LIMK2: variants seen among roughly 807,000 people sequenced by gnomAD.
The protein encoded by LIMK2 is LIM domain kinase 2.
LIMK2 carries 35 observed loss-of-function variants against 75.7 expected under a neutral mutation model. The ratio of observed to expected loss-of-function variants is 0.46; its 90% CI spans 0.35 to 0.61. LIMK2 has a LOEUF of 0.61. Among genes scored for constraint, LIMK2 ranks in the 20% least tolerant of loss-of-function variants. LIMK2 has a pLI of 0.00. For synonymous variants in LIMK2, 301 were observed against 319.2 expected (o/e 0.94, Z 0.61); for missense variants, 623 against 831.0 (o/e 0.75, Z 3.08).
chr22:31,252,715 T>C lies in LIMK2; in HGVS notation c.117-5576T>C, dbSNP rs913162850. Among the ~76,000 whole-genome samples the C allele has an allele frequency of 3.9e-5, 6 of 152,082 alleles. No homozygotes were observed. In the South Asian group the frequency reaches 8.3e-4, roughly 21 times the overall value. On this transcript the variant is annotated intron_variant, in intron 2 of 15. Coordinates refer to ENST00000331728, the MANE Select transcript of LIMK2 (RefSeq NM_005569.4). ...TGCATTTGCCCTTGGTGGTCTCAAA[T>C]TGGGGAGGGAAAGAAATGAACACTT... is the stretch of plus-strand genomic sequence containing the variant.
intron 2 of LIMK2, among the ~76,000 whole-genome samples, chr22:31,251,374 C>T (rs908896914): frequency 2.0e-5 from 3 of 152,148 alleles, no homozygotes; most frequent in Non-Finnish European, 1.5e-5. Flanking sequence ...TTCACAGTAA[C>T]CTTTGGCAGG....
At chr22:31,257,951 G>A (rs1052792330) in intron 2 of LIMK2, among the ~76,000 whole-genome samples, 2 of 152,138 alleles carry the variant, frequency 1.3e-5, no homozygotes, top group African/African-American at 4.8e-5. Flanking sequence ...TATACACCCT[G>A]TCCCCCACCT....
intron 14 of LIMK2, among the ~76,000 whole-genome samples, chr22:31,274,295 C>A (rs886302884): frequency 6.6e-6 from 1 of 152,100 alleles, no homozygotes; most frequent in African/African-American, 2.4e-5. Context: ...CATATCTCAG[C>A]GACTCAAACA....
intron 1 of LIMK2, 74 bp from the exon 2 acceptor site, chr22:31,225,646 T>C (rs2048470650): frequency 5.5e-6 from 6 of 1,085,296 alleles, no homozygotes; most frequent in African/African-American, 4.7e-5. Flanking sequence ...CTCAGTCTTA[T>C]TCTACATGGT....
At chr22:31,240,716 C>T (rs2048617407) in intron 2 of LIMK2, among the ~76,000 whole-genome samples, 1 of 152,138 alleles carries the variant, frequency 6.6e-6, no homozygotes, top group African/African-American at 2.4e-5. Context: ...GTCACCGCGC[C>T]TGGCCTAGAA....
chr22:31,258,477 C>G, intron 3 of LIMK2, 51 bp downstream of exon 3: 3 of 1,587,800 alleles, frequency 1.9e-6, no homozygotes, highest in Non-Finnish European at 2.6e-6. Context: ...AGTCCATTGA[C>G]AGTGCTTCCA....
At chr22:31,278,149 T>C in intron 15 of LIMK2, 148 bp from the exon 16 acceptor site, 1 of 664,838 alleles carries the variant, frequency 1.5e-6, no homozygotes, top group East Asian at 2.6e-5. Flanking sequence ...CCGGTAACAT[T>C]ATGCCCATTT....
At chr22:31,246,183 G>GCACGCACACACACACACACACA (rs1555886279) in intron 2 of LIMK2, among the ~76,000 whole-genome samples, 20 of 134,994 alleles carry the variant, frequency 1.5e-4, no homozygotes, top group South Asian at 2.5e-4. Context: ...ACGCACGCAC[G>GCACGCACACACACACACACACA]CACACACACA....
At chr22:31,222,280 T>A (rs2048440875) in intron 1 of LIMK2, among the ~76,000 whole-genome samples, 1 of 150,448 alleles carries the variant, frequency 6.6e-6, no homozygotes, top group South Asian at 2.1e-4. Flanking sequence ...ATGTTGGTCA[T>A]GGCTGGTCTC....
intron 2 of LIMK2, among the ~76,000 whole-genome samples, chr22:31,239,952 T>G (rs2048610695): frequency 6.6e-6 from 1 of 152,212 alleles, no homozygotes; most frequent in South Asian, 2.1e-4. Flanking sequence ...TTATGTAGAC[T>G]AAGACCTCAG....
chr22:31,246,793 C>T (rs2123810687), intron 2 of LIMK2, among the ~76,000 whole-genome samples: 1 of 151,894 alleles, frequency 6.6e-6, no homozygotes, highest in Non-Finnish European at 1.5e-5. Context: ...AACACCCTCA[C>T]CACTTATCAG....
Position 31,278,465 on chromosome 22 carries a change from G to A in LIMK2, c.*24G>A. On this transcript the variant is annotated 3_prime_UTR_variant, in exon 16 of 16. Transcript: ENST00000331728. ...AGCCCTGGCCCAGCCCCCTGCAGGGGGGTGTTCTACAGCCAGCATTGCCCC... is the reference window on the plus strand; with the variant it reads ...AGCCCTGGCCCAGCCCCCTGCAGGGAGGTGTTCTACAGCCAGCATTGCCCC... 1 of 1,580,612 alleles carries A rather than the reference G, an allele frequency of 6.3e-7. No homozygotes were observed. Among genetic ancestry groups the A allele is most frequent in the Admixed American group, 1.8e-5 (1 of 55,450 alleles).
chr22:31,215,101 A>G (rs569602950), intron 1 of LIMK2, among the ~76,000 whole-genome samples: 2 of 152,306 alleles, frequency 1.3e-5, no homozygotes, highest in South Asian at 4.1e-4. Flanking sequence ...CCAGCCAAGT[A>G]TGGCTTTTTT....
intron 15 of LIMK2, chr22:31,276,731 C>A (rs1177299987): frequency 2.8e-5 from 41 of 1,488,630 alleles, no homozygotes; most frequent in Non-Finnish European, 3.5e-5. Context: ...CGTTGGCGGC[C>A]CCGGCCCCGG....
chr22:31,272,747 C>T (rs761107086), intron 13 of LIMK2, 43 bp downstream of exon 13: 144 of 1,535,608 alleles, frequency 9.4e-5, no homozygotes, highest in Non-Finnish European at 1.1e-4. Flanking sequence ...AGAGGGAGGA[C>T]AGATGCTGCC....
chr22:31,222,006 T>C (rs1311142429), intron 1 of LIMK2, among the ~76,000 whole-genome samples: 3 of 152,182 alleles, frequency 2.0e-5, no homozygotes, highest in Non-Finnish European at 4.4e-5. Flanking sequence ...GGAAGCCAGA[T>C]TGCAGTGCAT....
chr22:31,279,984 G>T lies in LIMK2; in HGVS notation c.*1543G>T, dbSNP rs1239577989. 6.6e-6 allele frequency: 1 copy of T among 152,418 alleles called. No homozygotes were observed. The highest frequency in any genetic ancestry group is 1.5e-5 in the Non-Finnish European group (1 of 68,110). 9.4% of individuals were successfully genotyped at this position (152,418 alleles called of 1,614,324 possible). A position where few individuals can be genotyped will look rare whatever the true frequency, so the allele number is the denominator to read the frequency against. ...AGCACAGTTCAGCATTGTGTGGCTGGTTGTTTCCTGGCTGTCCCCAGCAAG... is the reference window on the plus strand; with the variant it reads ...AGCACAGTTCAGCATTGTGTGGCTGTTTGTTTCCTGGCTGTCCCCAGCAAG... On this transcript the variant is annotated 3_prime_UTR_variant, in exon 16 of 16. Coordinates refer to ENST00000331728, the MANE Select transcript of LIMK2 (RefSeq NM_005569.4).
intron 11 of LIMK2, among the ~76,000 whole-genome samples, chr22:31,270,039 C>T (rs8140017): frequency 8.7e-4 from 132 of 152,092 alleles, no homozygotes; most frequent in Middle Eastern, 3.4e-3. Context: ...GGGGGATAGC[C>T]ATGATTGTTG....
rs774252369 is a variant in LIMK2 at position 31,266,835 on chromosome 22, C to T, written c.1042-149C>T. ...TCCGTGTGAGTCCCATGTTGCTCCA[C>T]GCTGCATCTTCCACACATGAACTCT... On this transcript the variant is annotated intron_variant, in intron 8 of 15. Transcript: ENST00000331728. 31 of 644,976 alleles carry T rather than the reference C, an allele frequency of 4.8e-5. No homozygotes were observed. The East Asian group carries it at 6.0e-4, about 13-fold the overall frequency. The allele number at this position is 644,976 out of a possible 1,614,324, so 40.0% of individuals were successfully genotyped here. A position where few individuals can be genotyped will look rare whatever the true frequency, so the allele number is the denominator to read the frequency against.
Sources: allele counts gnomAD v4.1 joint callset (sites outside exome capture counted in the v4.1 genomes callset), GRCh38; gene constraint gnomAD v4.1.1; transcripts MANE v1.5; gene names NCBI Gene and HGNC (gene_info 2026-07-23, HGNC 2026-07-21).